The following CLDN10 variants were observed in gnomAD, a reference collection of about 807,000 sequenced individuals.
CLDN10 encodes claudin-10.
A neutral mutation model predicts 22.9 loss-of-function variants in CLDN10; 15 were observed. The observed-to-expected ratio is 0.65, with a 90% CI of 0.44 to 1.01. The LOEUF (loss-of-function observed/expected upper bound fraction) is 1.01. Among genes scored for constraint, CLDN10 ranks in the 50% least tolerant of loss-of-function variants. The pLI, the probability that CLDN10 is intolerant of heterozygous loss-of-function variation, is 0.00. For synonymous variants in CLDN10, 114 were observed against 111.4 expected (o/e 1.02, Z -0.15); for missense variants, 247 against 287.8 (o/e 0.86, Z 1.03).
intron 3 of CLDN10, 52 bp downstream of exon 3, chr13:95,560,515 A>G: frequency 7.2e-7 from 1 of 1,395,056 alleles, no homozygotes; most frequent in Non-Finnish European, 1.0e-6. Flanking sequence ...TATATAAATT[A>G]ATATTCTCAA....
chr13:95,531,746 T>C (rs2043345225), intron 1 of CLDN10, among the ~76,000 whole-genome samples: 1 of 151,624 alleles, frequency 6.6e-6, no homozygotes, highest in South Asian at 2.1e-4. Flanking sequence ...TTTCACTATG[T>C]TGGCCAGGCT....
intron 1 of CLDN10, among the ~76,000 whole-genome samples, chr13:95,456,965 A>G (rs1022366836): frequency 6.6e-6 from 1 of 152,170 alleles, no homozygotes; most frequent in Non-Finnish European, 1.5e-5. Flanking sequence ...ACAAATATGT[A>G]AGACAGATGG....
At chr13:95,561,519 T>C (rs1223673288) in intron 3 of CLDN10, among the ~76,000 whole-genome samples, 1 of 152,210 alleles carries the variant, frequency 6.6e-6, no homozygotes, top group Non-Finnish European at 1.5e-5. Flanking sequence ...TTTTATTTTA[T>C]TCTTACAAAC....
At chr13:95,566,046 T>A (rs2043783621) in intron 3 of CLDN10, among the ~76,000 whole-genome samples, 1 of 152,222 alleles carries the variant, frequency 6.6e-6, no homozygotes, top group Non-Finnish European at 1.5e-5. Context: ...TTGGGTTTGT[T>A]CCAACTCTTT....
Position 95,438,610 on chromosome 13 carries a change from G to A in CLDN10, c.214+4563G>A, listed in dbSNP as rs992799941. 2.0e-5 allele frequency among the ~76,000 whole-genome samples: 3 copies of A among 152,224 alleles called. No individual in the cohort carries two copies. The East Asian group carries it at 5.8e-4, about 29-fold the overall frequency. ...CAAATGATGCTGGCTGTCTGCAGCA[G>A]TGTGAGCCTTCTCTCCTCACTTTCC... On this transcript the variant is annotated intron_variant, in intron 1 of 4. Coordinates refer to the CLDN10 transcript ENST00000376873.
intron 1 of CLDN10, among the ~76,000 whole-genome samples, chr13:95,516,213 G>A (rs1302354685): frequency 6.6e-6 from 1 of 152,186 alleles, no homozygotes; most frequent in East Asian, 1.9e-4. Context: ...CATAGTAATA[G>A]AATATTTCTC....
Position 95,463,417 on chromosome 13 carries a change from G to A in CLDN10, c.214+29370G>A, listed in dbSNP as rs114400128. ...GCATGATCATGGCTCACTGTAGCCTGGGCCTCCTGGGCTCAGGTGATCCTC... is the reference window on the plus strand; with the variant it reads ...GCATGATCATGGCTCACTGTAGCCTAGGCCTCCTGGGCTCAGGTGATCCTC... On this transcript the variant is annotated intron_variant, in intron 1 of 4. Coordinates refer to the CLDN10 transcript ENST00000376873. Among the ~76,000 whole-genome samples, 218 of 139,040 alleles carry A rather than the reference G, an allele frequency of 1.6e-3. 1 individual carries two copies. The highest frequency in any genetic ancestry group is 5.7e-3 in the African/African-American group (209 of 36,926). The allele number at this position is 139,040 out of a possible 152,430, so 91.2% of individuals were successfully genotyped here.
chr13:95,477,718 G>A (rs187959200), intron 1 of CLDN10, among the ~76,000 whole-genome samples: 2 of 152,230 alleles, frequency 1.3e-5, no homozygotes, highest in East Asian at 3.9e-4. Flanking sequence ...GCAGCACCTG[G>A]GACTTAGAGA....
intron 1 of CLDN10, among the ~76,000 whole-genome samples, chr13:95,475,825 T>C (rs914571479): frequency 4.0e-5 from 6 of 151,762 alleles, no homozygotes; most frequent in African/African-American, 1.5e-4. Context: ...TCCCTCTCTC[T>C]CCCTCTTTCC....
intron 1 of CLDN10, among the ~76,000 whole-genome samples, chr13:95,556,173 G>A (rs1315805677): frequency 2.6e-5 from 4 of 151,982 alleles, no homozygotes; most frequent in Middle Eastern, 3.2e-3. Context: ...AGCCTCCTGA[G>A]TAGCTGGGAT....
chr13:95,456,282 G>A (rs1425901914), intron 1 of CLDN10, among the ~76,000 whole-genome samples: 2 of 152,026 alleles, frequency 1.3e-5, no homozygotes, highest in African/African-American at 4.8e-5. Flanking sequence ...TCTTAATTCT[G>A]GGTTCTGCCA....
intron 1 of CLDN10, chr13:95,528,684 T>C (rs750688393): frequency 1.3e-5 from 2 of 152,198 alleles, no homozygotes; most frequent in African/African-American, 2.4e-5. Context: ...GATAGCCATA[T>C]TGAGTAAAGC....
chr13:95,453,326 G>T (rs960295874), intron 1 of CLDN10, among the ~76,000 whole-genome samples: 1 of 152,094 alleles, frequency 6.6e-6, no homozygotes, highest in Non-Finnish European at 1.5e-5. Flanking sequence ...GACTGGGCTG[G>T]GCTCTCATTC....
At chr13:95,572,512 A>G (rs1308754214) in intron 3 of CLDN10, among the ~76,000 whole-genome samples, 1 of 152,136 alleles carries the variant, frequency 6.6e-6, no homozygotes, top group Non-Finnish European at 1.5e-5. Context: ...TGAAGATTGA[A>G]TATGGTAATA....
At chr13:95,506,817 C>A (rs1439733980) in intron 1 of CLDN10, among the ~76,000 whole-genome samples, 1 of 152,158 alleles carries the variant, frequency 6.6e-6, no homozygotes, top group African/African-American at 2.4e-5. Context: ...GTTGCCACCC[C>A]ACAAACTCCT....
In CLDN10 at chr13:95,578,237, G is replaced by T; in HGVS notation, c.*223G>T. ...TAAAAAATAAACAGTTTATTTACAG[G>T]ATTTGTAAAATGTTTTCTACATTTA... On this transcript the variant is annotated 3_prime_UTR_variant, in exon 5 of 5. Transcript: ENST00000299339. 3.0e-6 allele frequency: 1 copy of T among 336,218 alleles called. No individual in the cohort carries two copies. The highest frequency in any genetic ancestry group is 5.4e-6 in the Non-Finnish European group (1 of 185,358). 20.8% of individuals were successfully genotyped at this position (336,218 alleles called of 1,614,324 possible).
At chr13:95,491,004 TA>T in intron 1 of CLDN10, among the ~76,000 whole-genome samples, 1 of 152,224 alleles carries the variant, frequency 6.6e-6, no homozygotes, top group African/African-American at 2.4e-5. Context: ...TTTTTACCAT[TA>T]ATGTCCCTCT....
chr13:95,550,820 CTTTTTTTTTTTT>C (rs56225257), upstream of CLDN10, among the ~76,000 whole-genome samples: 3 of 85,530 alleles, frequency 3.5e-5, no homozygotes, highest in Non-Finnish European at 6.3e-5. Flanking sequence ...TAGGAAGATA[CTTTTTTTTTTTT>C]TTTTTTTTTT....
rs57753760 is a variant in CLDN10, at chr13:95,511,796, GTTT to G, written c.215-48335_215-48333del. Among the ~76,000 whole-genome samples, 108 of 8,696 alleles carry G rather than the reference GTTT, an allele frequency of 0.012. 31 individuals carry two copies. In the South Asian group the frequency reaches 0.13, roughly 11 times the overall value. 5.7% of individuals were successfully genotyped at this position (8,696 alleles called of 152,430 possible). On this transcript the variant is annotated intron_variant, in intron 1 of 4. Transcript: ENST00000376873. ...TTTTTTTTTTTTTTTTTTGGTTTTT[GTTT>G]GTTTGTGTTCTGTTTGTATATCTTT...
Sources: allele counts gnomAD v4.1 joint callset (sites outside exome capture counted in the v4.1 genomes callset), GRCh38; gene constraint gnomAD v4.1.1; transcripts MANE v1.5; gene names NCBI Gene and HGNC (gene_info 2026-07-23, HGNC 2026-07-21).